Variants in PTPRG observed in about 807,000 individuals in gnomAD.
PTPRG encodes protein tyrosine phosphatase receptor type G, also known as receptor-type tyrosine-protein phosphatase gamma.
Under a neutral mutation model 165.3 loss-of-function variants are expected in PTPRG, and 102 were observed. The observed-to-expected ratio is 0.62, with a 90% CI of 0.53 to 0.73. PTPRG has a LOEUF of 0.73. Among genes scored for constraint, PTPRG ranks in the 30% least tolerant of loss-of-function variants. The pLI is 0.00. For missense variants in PTPRG, 1,866 were observed against 1,861.4 expected (o/e 1.00, Z -0.05); for synonymous variants, 675 against 669.5 (o/e 1.01, Z -0.13).
intron 2 of PTPRG, among the ~76,000 whole-genome samples, chr3:61,920,585 G>A (rs1037326563): frequency 3.6e-4 from 55 of 151,972 alleles, no homozygotes; most frequent in Admixed American, 3.9e-4. Flanking sequence ...TAGTTTAGAC[G>A]GGGTTTCACC....
chr3:62,167,821 G>C lies in PTPRG; in HGVS notation c.841-150G>C, dbSNP rs143394798. 2,532 of 728,746 alleles carry C rather than the reference G, an allele frequency of 3.5e-3. 26 individuals carry two copies. Among genetic ancestry groups the C allele is most frequent in the South Asian group, 0.012 (628 of 54,320 alleles). The allele number at this position is 728,746 out of a possible 1,614,324, so 45.1% of individuals were successfully genotyped here. A position where few individuals can be genotyped will look rare whatever the true frequency, so the allele number is the denominator to read the frequency against. ...TTTCCAGCAGGCAGCCTCAGGTCCT[G>C]CTGGGTTTAGCAGCCCTGGCATTGG... On this transcript the variant is annotated intron_variant, in intron 7 of 29. Transcript: ENST00000474889.
At chr3:62,168,446 C>A (rs949712540) in intron 8 of PTPRG, among the ~76,000 whole-genome samples, 5 of 152,186 alleles carry the variant, frequency 3.3e-5, no homozygotes, top group Admixed American at 3.3e-4. Flanking sequence ...AGAAAGCTTT[C>A]TGAAAAGTGT....
chr3:61,766,007 T>A (rs1420470967), intron 2 of PTPRG, among the ~76,000 whole-genome samples: 1 of 152,194 alleles, frequency 6.6e-6, no homozygotes, highest in Non-Finnish European at 1.5e-5. Flanking sequence ...CCAATTTTTA[T>A]TAGCATTGAA....
intron 2 of PTPRG, among the ~76,000 whole-genome samples, chr3:61,929,142 T>C (rs541359748): frequency 6.6e-6 from 1 of 152,254 alleles, no homozygotes; most frequent in South Asian, 2.1e-4. Flanking sequence ...GTATTTAAAG[T>C]GACATTTAAC....
chr3:62,203,771 G>A lies in PTPRG; in HGVS notation c.1976G>A (p.Arg659Lys), dbSNP rs756731987. The change falls in exon 12 of 30, where the codon AGG becomes AAG. Residue 659 changes from arginine to lysine, a missense_variant. Physicochemically the swap from Arg to Lys is conservative, Grantham distance 26. This residue lies in a region of PTPRG where 1,452 missense variants were observed against 1,463.0 expected (regional missense o/e 0.99). Transcript: ENST00000474889. The surrounding 1 kb of genome is among the most constrained non-coding windows in gnomAD (Gnocchi z 6.4). ...TAVPTDQTGG[R>K]RDAGPGLDPD... ...GTCCCCACAGACCAGACGGGCGGAA[G>A]GAGGGATGCCGGCCCAGGCCTGGAC... 10 of 1,611,904 alleles carry A rather than the reference G, an allele frequency of 6.2e-6. 1 individual carries two copies. In the South Asian group the frequency reaches 6.6e-5, roughly 11 times the overall value.
Position 61,759,554 on chromosome 3 carries a change from G to A in PTPRG, c.190+10572G>A, listed in dbSNP as rs868545617. On this transcript the variant is annotated intron_variant, in intron 2 of 29. Transcript: ENST00000474889. The stretch of plus-strand genomic sequence containing the variant: ...GCCTGTAAGTCCCAGCTACTCGGAA[G>A]GCTGAGGTGGGAGGATCGCCTGAAC... 3.9e-5 allele frequency among the ~76,000 whole-genome samples: 6 copies of A among 152,228 alleles called. No homozygotes were observed. The Middle Eastern group carries it at 0.01, about 259-fold the overall frequency.
intron 2 of PTPRG, among the ~76,000 whole-genome samples, chr3:61,845,356 G>A (rs1035705078): frequency 6.6e-6 from 1 of 152,328 alleles, no homozygotes; most frequent in East Asian, 1.9e-4. Context: ...TAACTTAACA[G>A]TGAGGACAAT....
At chr3:62,069,549 T>A (rs114294252) in intron 4 of PTPRG, among the ~76,000 whole-genome samples, 40 of 152,090 alleles carry the variant, frequency 2.6e-4, no homozygotes, top group African/African-American at 9.4e-4. Flanking sequence ...CAGACAGACA[T>A]ACCTGTGTAT....
chr3:61,837,919 G>A (rs2036518702), intron 2 of PTPRG, among the ~76,000 whole-genome samples: 1 of 152,144 alleles, frequency 6.6e-6, no homozygotes, highest in South Asian at 2.1e-4. Flanking sequence ...TCTTCACATG[G>A]CCTTCCCTGT....
At chr3:62,168,861 TTGAAGGA>T (rs1482708270) in intron 8 of PTPRG, among the ~76,000 whole-genome samples, 2 of 152,094 alleles carry the variant, frequency 1.3e-5, no homozygotes, top group Non-Finnish European at 2.9e-5. Flanking sequence ...GCCCATGGAC[TTGAAGGA>T]TGAATGTGGG....
intron 2 of PTPRG, among the ~76,000 whole-genome samples, chr3:61,960,045 C>T (rs943148901): frequency 2.6e-5 from 4 of 152,174 alleles, no homozygotes; most frequent in African/African-American, 9.7e-5. Flanking sequence ...TTACGTGCCA[C>T]CTTCTCAGGA....
chr3:61,709,710 A>C (rs1246886298), intron 1 of PTPRG, among the ~76,000 whole-genome samples: 1 of 152,040 alleles, frequency 6.6e-6, no homozygotes, highest in Non-Finnish European at 1.5e-5. Flanking sequence ...TGTATGGAAA[A>C]ATTTTGCAAT....
intron 2 of PTPRG, among the ~76,000 whole-genome samples, chr3:61,845,156 A>G (rs2036772133): frequency 6.6e-6 from 1 of 152,136 alleles, no homozygotes; most frequent in African/African-American, 2.4e-5. Flanking sequence ...GAGTTGTTTC[A>G]TGTTCTTCTT....
intron 2 of PTPRG, among the ~76,000 whole-genome samples, chr3:61,866,545 C>G (rs999594406): frequency 6.4e-5 from 9 of 140,590 alleles, no homozygotes; most frequent in Non-Finnish European, 9.2e-5. Context: ...AAAAATTACA[C>G]TTACACAGAG....
intron 1 of PTPRG, among the ~76,000 whole-genome samples, chr3:61,638,591 G>GTTTTTTTTTTTTTTTTTTTTTTT (rs34396141): frequency 1.7e-5 from 1 of 58,716 alleles, no homozygotes; most frequent in African/African-American, 6.5e-5. Context: ...TGCCTGGCTA[G>GTTTTTTTTTTTTTTTTTTTTTTT]TTTTTTTTTT....
At chr3:62,075,458 A>C (rs1386073378) in intron 4 of PTPRG, among the ~76,000 whole-genome samples, 1 of 152,180 alleles carries the variant, frequency 6.6e-6, no homozygotes, top group East Asian at 1.9e-4. Context: ...ATGATGTCTA[A>C]AGCTGTCCAA....
At chr3:61,775,451 G>C (rs1364266430) in intron 2 of PTPRG, among the ~76,000 whole-genome samples, 2 of 152,086 alleles carry the variant, frequency 1.3e-5, no homozygotes, top group Non-Finnish European at 2.9e-5. Flanking sequence ...GGCCTGCTTT[G>C]GTTCCTGAAT....
intron 1 of PTPRG, among the ~76,000 whole-genome samples, chr3:61,645,116 A>G (rs1265227192): frequency 6.6e-6 from 1 of 152,216 alleles, no homozygotes; most frequent in Non-Finnish European, 1.5e-5. Flanking sequence ...TAAAAGGTAG[A>G]AGGGAAAACT....
intron 16 of PTPRG, 142 bp from the exon 17 acceptor site, chr3:62,262,656 T>C (rs1028265596): frequency 1.6e-5 from 8 of 496,794 alleles, no homozygotes; most frequent in Non-Finnish European, 2.2e-5. Flanking sequence ...TATAAATATA[T>C]CAATAATTAT....
Sources: allele counts gnomAD v4.1 joint callset (sites outside exome capture counted in the v4.1 genomes callset), GRCh38; gene constraint gnomAD v4.1.1; regional missense constraint gnomAD v4.1.1; non-coding constraint Gnocchi (gnomAD v3.1); transcripts MANE v1.5; gene names NCBI Gene and HGNC (gene_info 2026-07-23, HGNC 2026-07-21).